SNTG1: variants seen among roughly 807,000 people sequenced by gnomAD.
SNTG1 encodes gamma-1-syntrophin.
Under a neutral mutation model 74.7 loss-of-function variants are expected in SNTG1, and 39 were observed. The observed-to-expected ratio is 0.52, with a 90% CI of 0.40 to 0.68. The LOEUF is 0.68. Ranked by LOEUF, SNTG1 falls within the 30% of genes least tolerant of loss-of-function variation. SNTG1 has a pLI of 0.00. For missense variants in SNTG1, 685 were observed against 609.5 expected (o/e 1.12, Z -1.30); for synonymous variants, 254 against 217.1 (o/e 1.17, Z -1.49).
At chr8:50,000,990 G>C (rs543318231) in intron 1 of SNTG1, among the ~76,000 whole-genome samples, 5 of 152,256 alleles carry the variant, frequency 3.3e-5, no homozygotes, top group African/African-American at 9.6e-5. Context: ...TTATGTTAAA[G>C]ATAAACAAAG....
chr8:50,031,414 G>A (rs1211960823), intron 1 of SNTG1, among the ~76,000 whole-genome samples: 1 of 151,912 alleles, frequency 6.6e-6, no homozygotes. Context: ...CCTTGCCTTG[G>A]TCTAAAGCTT....
At chr8:50,165,872 A>G (rs1395170479) in intron 1 of SNTG1, among the ~76,000 whole-genome samples, 2 of 152,018 alleles carry the variant, frequency 1.3e-5, no homozygotes, top group East Asian at 1.9e-4. Context: ...TTCAAACTAT[A>G]CTACAAGGCT....
At chr8:50,680,648 C>G (rs190603013) in intron 15 of SNTG1, among the ~76,000 whole-genome samples, 1 of 152,070 alleles carries the variant, frequency 6.6e-6, no homozygotes, top group Non-Finnish European at 1.5e-5. Context: ...CTACCAACAC[C>G]CTTCGGAGGC....
chr8:50,757,297 T>C (rs2095582910), intron 18 of SNTG1, among the ~76,000 whole-genome samples: 1 of 151,882 alleles, frequency 6.6e-6, no homozygotes, highest in Admixed American at 6.6e-5. Flanking sequence ...TCAACTATGA[T>C]AGTGGATTCT....
chr8:50,105,994 A>G (rs984217412), intron 1 of SNTG1, among the ~76,000 whole-genome samples: 2 of 151,798 alleles, frequency 1.3e-5, no homozygotes, highest in African/African-American at 2.4e-5. Flanking sequence ...AGTTTGACTT[A>G]CTCTCTTCCT....
At chr8:49,960,002 C>T (rs985172030) in intron 1 of SNTG1, among the ~76,000 whole-genome samples, 1 of 152,168 alleles carries the variant, frequency 6.6e-6, no homozygotes, top group African/African-American at 2.4e-5. Context: ...TAATTAGCGT[C>T]AACAGTATAA....
At chr8:50,598,156 A>T (rs765701933) in intron 13 of SNTG1, among the ~76,000 whole-genome samples, 6 of 151,768 alleles carry the variant, frequency 4.0e-5, no homozygotes, top group Non-Finnish European at 8.8e-5. Flanking sequence ...GCCCAATTTC[A>T]TGAAGCAATT....
At chr8:50,238,399 C>A (rs1387878682) in intron 2 of SNTG1, among the ~76,000 whole-genome samples, 1 of 152,146 alleles carries the variant, frequency 6.6e-6, no homozygotes, top group East Asian at 1.9e-4. Flanking sequence ...GAAAATAATT[C>A]ACTATTCAAT....
chr8:50,654,306 T>C (rs533164458), intron 13 of SNTG1, among the ~76,000 whole-genome samples: 3 of 152,278 alleles, frequency 2.0e-5, no homozygotes, highest in East Asian at 3.9e-4. Context: ...ATTCTAGACC[T>C]TTTTTACTGA....
chr8:50,393,962 G>T (rs1259758995), intron 2 of SNTG1, among the ~76,000 whole-genome samples: 2 of 152,174 alleles, frequency 1.3e-5, no homozygotes, highest in African/African-American at 4.8e-5. Flanking sequence ...GTGGAAAGGT[G>T]CCTGGAAATG....
chr8:49,922,664 T>C (rs1806658832), intron 1 of SNTG1, among the ~76,000 whole-genome samples: 1 of 152,102 alleles, frequency 6.6e-6, no homozygotes, highest in Non-Finnish European at 1.5e-5. Context: ...TCCTATATCA[T>C]CATCTGTATA....
chr8:50,721,249 T>G (rs143337351), intron 17 of SNTG1, among the ~76,000 whole-genome samples: 3 of 152,272 alleles, frequency 2.0e-5, no homozygotes, highest in Non-Finnish European at 2.9e-5. Context: ...TGTTTTCTGA[T>G]GGAGCTAGCA....
intron 1 of SNTG1, among the ~76,000 whole-genome samples, chr8:50,069,019 T>G (rs1177200720): frequency 2.0e-5 from 3 of 152,256 alleles, no homozygotes; most frequent in Admixed American, 2.0e-4. Context: ...TATTTATGAT[T>G]TACAATTTAT....
At chr8:50,149,028 G>C (rs192231816) in intron 1 of SNTG1, among the ~76,000 whole-genome samples, 1 of 152,144 alleles carries the variant, frequency 6.6e-6, no homozygotes, top group Non-Finnish European at 1.5e-5. Flanking sequence ...GTGTAAAAGC[G>C]TCCCTATTTC....
At chr8:50,078,025 G>A (rs990909179) in intron 1 of SNTG1, among the ~76,000 whole-genome samples, 1 of 152,092 alleles carries the variant, frequency 6.6e-6, no homozygotes, top group Admixed American at 6.5e-5. Flanking sequence ...TATAGATATA[G>A]TATCCAATTA....
chr8:49,981,575 T>G (rs2130144072), intron 1 of SNTG1, among the ~76,000 whole-genome samples: 1 of 152,324 alleles, frequency 6.6e-6, no homozygotes, highest in Non-Finnish European at 1.5e-5. Context: ...TATGGTTACT[T>G]GTTTGTCTGC....
intron 12 of SNTG1, among the ~76,000 whole-genome samples, chr8:50,583,427 A>G (rs1230930982): frequency 6.6e-6 from 1 of 151,238 alleles, no homozygotes; most frequent in Non-Finnish European, 1.5e-5. Context: ...AAGAAAATAC[A>G]TGAGCCATTA....
chr8:50,219,730 C>T (rs965325277), intron 2 of SNTG1, among the ~76,000 whole-genome samples: 1 of 152,174 alleles, frequency 6.6e-6, no homozygotes, highest in South Asian at 2.1e-4. Context: ...CCAATTACCT[C>T]CCACCACTCA....
At chr8:50,619,358 T>C (rs1184056999) in intron 13 of SNTG1, among the ~76,000 whole-genome samples, 1 of 152,216 alleles carries the variant, frequency 6.6e-6, no homozygotes, top group Non-Finnish European at 1.5e-5. Flanking sequence ...ATCTGCTTTC[T>C]GTTCAGTGTT....
Sources: allele counts gnomAD v4.1 joint callset (sites outside exome capture counted in the v4.1 genomes callset), GRCh38; gene constraint gnomAD v4.1.1; transcripts MANE v1.5; gene names NCBI Gene and HGNC (gene_info 2026-07-23, HGNC 2026-07-21).